Variants in FHIP1A observed in about 807,000 individuals in gnomAD.
The protein encoded by FHIP1A is FHF complex subunit HOOK-interacting protein 1A.
A neutral mutation model predicts 88.6 loss-of-function variants in FHIP1A; 61 were observed. The observed-to-expected ratio is 0.69, with a 90% CI of 0.56 to 0.85. The LOEUF (loss-of-function observed/expected upper bound fraction) is 0.85, where lower values mean the gene tolerates loss of function less well. Ranked by LOEUF, FHIP1A falls within the 40% of genes least tolerant of loss-of-function variation. The pLI, the probability that FHIP1A is intolerant of heterozygous loss-of-function variation, is 0.00. For missense variants in FHIP1A, 1,154 were observed against 1,273.5 expected (o/e 0.91, Z 1.43); for synonymous variants, 478 against 496.0 (o/e 0.96, Z 0.48).
intron 7 of FHIP1A, among the ~76,000 whole-genome samples, chr4:151,598,347 G>A (rs1408987354): frequency 2.0e-5 from 3 of 152,144 alleles, no homozygotes; most frequent in East Asian, 3.9e-4. Flanking sequence ...TTGGCTTGCC[G>A]TTGGTAGGCT....
chr4:151,605,004 C>T (rs1173976977), intron 7 of FHIP1A, among the ~76,000 whole-genome samples: 1 of 152,056 alleles, frequency 6.6e-6, no homozygotes, highest in African/African-American at 2.4e-5. Flanking sequence ...TTGGTTTTGT[C>T]ATTAGCTTGG....
intron 2 of FHIP1A, among the ~76,000 whole-genome samples, chr4:151,467,018 A>G (rs1014786234): frequency 1.4e-4 from 21 of 152,252 alleles, no homozygotes; most frequent in African/African-American, 4.8e-4. Flanking sequence ...GAAGCAAAAG[A>G]AACTAGCATC....
chr4:151,621,857 G>T (rs1390426911), intron 7 of FHIP1A, among the ~76,000 whole-genome samples: 1 of 151,846 alleles, frequency 6.6e-6, no homozygotes, highest in Non-Finnish European at 1.5e-5. Context: ...CATGGAATGA[G>T]TTACGCTCTG....
intron 3 of FHIP1A, among the ~76,000 whole-genome samples, chr4:151,527,215 G>A (rs1731705352): frequency 6.6e-6 from 1 of 152,218 alleles, no homozygotes; most frequent in African/African-American, 2.4e-5. Context: ...TCACGCCACT[G>A]CACTCCAGCC....
chr4:151,427,600 T>A (rs1014616205), intron 1 of FHIP1A, among the ~76,000 whole-genome samples: 15 of 152,148 alleles, frequency 9.9e-5, no homozygotes, highest in Non-Finnish European at 2.1e-4. Flanking sequence ...TTTTGTACTT[T>A]AAAATTTTAA....
At chr4:151,634,598 C>T (rs551601633) in intron 8 of FHIP1A, among the ~76,000 whole-genome samples, 28 of 151,752 alleles carry the variant, frequency 1.8e-4, no homozygotes, top group Admixed American at 4.6e-4. Context: ...AGAAATGAAC[C>T]GTTGTATTAT....
chr4:151,549,721 A>G (rs542673415), intron 3 of FHIP1A, among the ~76,000 whole-genome samples: 43 of 152,222 alleles, frequency 2.8e-4, no homozygotes, highest in Admixed American at 4.6e-4. Flanking sequence ...ACTTGCTTAC[A>G]CTTTACTCTA....
At chr4:151,474,038 G>A (rs977847351) in intron 2 of FHIP1A, among the ~76,000 whole-genome samples, 2 of 152,120 alleles carry the variant, frequency 1.3e-5, no homozygotes, top group Admixed American at 1.3e-4. Context: ...TTAAGCAGTT[G>A]AATATATTTT....
intron 3 of FHIP1A, among the ~76,000 whole-genome samples, chr4:151,545,296 G>C (rs1367766330): frequency 6.8e-6 from 1 of 146,090 alleles, no homozygotes; most frequent in Non-Finnish European, 1.5e-5. Context: ...GAACATACAT[G>C]TTAAATTCAT....
intron 3 of FHIP1A, among the ~76,000 whole-genome samples, chr4:151,538,769 G>A (rs1732162864): frequency 6.6e-6 from 1 of 152,222 alleles, no homozygotes; most frequent in Admixed American, 6.5e-5. Context: ...TCAGGCGGAT[G>A]TGAGACCATA....
At chr4:151,580,420 A>G (rs28494961) in intron 5 of FHIP1A, among the ~76,000 whole-genome samples, 5,148 of 152,320 alleles carry the variant, frequency 0.034, 296 homozygotes, top group African/African-American at 0.12. Flanking sequence ...AAGTTGTCCC[A>G]CTATTGGTGA....
Position 151,554,485 on chromosome 4 carries a change from T to C in FHIP1A, c.-122-11653T>C, listed in dbSNP as rs1038554075. ...GCAGAAGGCAGAAACTACATCACCA[T>C]AGGGAGATGTAGTTAAACTAAAAGG... On this transcript the variant is annotated intron_variant, in intron 3 of 13. Transcript: ENST00000435205. 5.3e-5 allele frequency among the ~76,000 whole-genome samples: 8 copies of C among 152,248 alleles called. No individual in the cohort carries two copies. In the South Asian group the frequency reaches 1.2e-3, roughly 24 times the overall value.
At position 151,656,920 on chromosome 4, in the gene FHIP1A, C is replaced by T. The variant is rs1042778994; in HGVS notation, c.2869+22C>T. ...AAAGGTAAGCCAGGTTTCTCCACAG[C>T]GCCCCTCCTTAAATTCCTCCTCCAC... On this transcript the variant is annotated intron_variant, in intron 13 of 13. Coordinates refer to ENST00000435205, the MANE Select transcript of FHIP1A (RefSeq NM_001109977.3). This position sits in a 1 kb window ranked among gnomAD's most constrained non-coding sequence, Gnocchi z 4.2. 23 of 1,538,718 alleles carry T rather than the reference C, an allele frequency of 1.5e-5. No homozygotes were observed. The highest frequency in any genetic ancestry group is 1.7e-4 in the Middle Eastern group (1 of 5,808).
chr4:151,444,294 C>T (rs1728514267), intron 1 of FHIP1A, among the ~76,000 whole-genome samples: 1 of 152,120 alleles, frequency 6.6e-6, no homozygotes, highest in Non-Finnish European at 1.5e-5. Flanking sequence ...AAATGGAAGC[C>T]ACATCAGGTT....
At chr4:151,642,951 T>G (rs1736646587) in intron 9 of FHIP1A, among the ~76,000 whole-genome samples, 1 of 150,228 alleles carries the variant, frequency 6.7e-6, no homozygotes, top group African/African-American at 2.4e-5. Flanking sequence ...TATTTTTCTT[T>G]TTTTCCTTCT....
At chr4:151,592,902 C>T (rs557980216) in intron 7 of FHIP1A, among the ~76,000 whole-genome samples, 1 of 152,320 alleles carries the variant, frequency 6.6e-6, no homozygotes, top group Non-Finnish European at 1.5e-5. Flanking sequence ...TTAGGTCTTA[C>T]ATTTAACTCT....
intron 13 of FHIP1A, among the ~76,000 whole-genome samples, chr4:151,660,122 T>G (rs1316967601): frequency 6.6e-6 from 1 of 152,178 alleles, no homozygotes; most frequent in Non-Finnish European, 1.5e-5. Flanking sequence ...AACTCGGGTC[T>G]GCTTGCTTTT....
chr4:151,511,687 C>T (rs1392645860), intron 3 of FHIP1A, among the ~76,000 whole-genome samples: 1 of 152,234 alleles, frequency 6.6e-6, no homozygotes, highest in Admixed American at 6.5e-5. Flanking sequence ...TGATTGCTAG[C>T]ACAGCAGTCT....
chr4:151,455,266 T>G (rs1282717066), intron 2 of FHIP1A, among the ~76,000 whole-genome samples: 1 of 152,238 alleles, frequency 6.6e-6, no homozygotes, highest in Non-Finnish European at 1.5e-5. Context: ...AATATAAAGA[T>G]GTTTCCTCTA....
Sources: allele counts gnomAD v4.1 joint callset (sites outside exome capture counted in the v4.1 genomes callset), GRCh38; gene constraint gnomAD v4.1.1; non-coding constraint Gnocchi (gnomAD v3.1); transcripts MANE v1.5; gene names NCBI Gene and HGNC (gene_info 2026-07-23, HGNC 2026-07-21).